The following FNDC3B variants were observed in gnomAD, a reference collection of about 807,000 sequenced individuals.
FNDC3B encodes fibronectin type III domain-containing protein 3B.
Under a neutral mutation model 151.5 loss-of-function variants are expected in FNDC3B, and 12 were observed. The ratio of observed to expected loss-of-function variants is 0.08; its 90% CI spans 0.05 to 0.13. FNDC3B has a LOEUF of 0.13. Ranked by LOEUF, FNDC3B falls within the 10% of genes least tolerant of loss-of-function variation. The pLI is 1.00. For synonymous variants in FNDC3B, 528 were observed against 549.0 expected, an observed-to-expected ratio of 0.96 and a Z score of 0.54; for missense variants, 1,214 against 1,505.3, an observed-to-expected ratio of 0.81 and a Z score of 3.20.
At chr3:172,215,480 T>TTC (rs1725928855) in intron 3 of FNDC3B, among the ~76,000 whole-genome samples, 1 of 152,176 alleles carries the variant, frequency 6.6e-6, no homozygotes, top group South Asian at 2.1e-4. Context: ...TCCCAGCACT[T>TTC]TGGAAGGCCG....
At chr3:172,218,416 T>C (rs146553261) in intron 3 of FNDC3B, among the ~76,000 whole-genome samples, 2 of 152,282 alleles carry the variant, frequency 1.3e-5, no homozygotes, top group East Asian at 3.9e-4. Context: ...CTTGCCAAGC[T>C]ATAAGATGGA....
intron 11 of FNDC3B, among the ~76,000 whole-genome samples, chr3:172,321,213 A>T (rs1422377393): frequency 6.6e-6 from 1 of 152,168 alleles, no homozygotes; most frequent in Non-Finnish European, 1.5e-5. Context: ...TCATACCTAA[A>T]CTGTCCCCTA....
intron 4 of FNDC3B, among the ~76,000 whole-genome samples, chr3:172,231,993 G>A (rs1726919332): frequency 6.7e-6 from 1 of 149,420 alleles, no homozygotes; most frequent in African/African-American, 2.5e-5. Context: ...CAATTCTCGT[G>A]CCTCAGCCTC....
intron 1 of FNDC3B, among the ~76,000 whole-genome samples, chr3:172,107,521 T>C (rs185320058): frequency 1.8e-4 from 27 of 152,320 alleles, no homozygotes; most frequent in Admixed American, 4.6e-4. Flanking sequence ...GCCTGAGTCC[T>C]GTGATAGATT....
rs970469495 is a variant in FNDC3B at position 172,135,271 on chromosome 3, G to GTA, written c.187+1731_187+1732dup. Among the ~76,000 whole-genome samples, 10 of 152,040 alleles carry GTA rather than the reference G, an allele frequency of 6.6e-5. No homozygotes were observed. The East Asian group carries it at 9.6e-4, about 15-fold the overall frequency. Reference sequence around the variant, plus strand: ...AGTGTGTGTATGTGTGTGTGTGTGTGTATATATGTGTTTTTTGTGTGTATA... The same window carrying GTA: ...AGTGTGTGTATGTGTGTGTGTGTGTGTATATATATGTGTTTTTTGTGTGTATA... On this transcript the variant is annotated intron_variant, in intron 3 of 25. Coordinates refer to ENST00000415807, the MANE Select transcript of FNDC3B (RefSeq NM_022763.4).
chr3:172,285,848 A>C, intron 6 of FNDC3B, 78 bp from the exon 7 acceptor site: 1 of 1,002,414 alleles, frequency 1.0e-6, no homozygotes, highest in South Asian at 1.4e-5. Context: ...TCCAGTTAAA[A>C]GGCCTTGGGG....
At chr3:172,371,305 CA>C (rs1453204231) in intron 23 of FNDC3B, among the ~76,000 whole-genome samples, 2 of 152,144 alleles carry the variant, frequency 1.3e-5, no homozygotes, top group Non-Finnish European at 2.9e-5. Context: ...ACAAAAAAAG[CA>C]GAACATGTTC....
chr3:172,365,993 G>A (rs1362547527), intron 23 of FNDC3B, among the ~76,000 whole-genome samples: 1 of 152,148 alleles, frequency 6.6e-6, no homozygotes, highest in African/African-American at 2.4e-5. Flanking sequence ...ACAAATCTTT[G>A]TAGAGTATTT....
chr3:172,174,344 G>C (rs1394666159), intron 3 of FNDC3B, among the ~76,000 whole-genome samples: 2 of 152,174 alleles, frequency 1.3e-5, no homozygotes, highest in Admixed American at 6.5e-5. Flanking sequence ...CACTTAGTTA[G>C]ACTGAGTCTT....
chr3:172,363,790 G>A (rs1031801707), intron 23 of FNDC3B, among the ~76,000 whole-genome samples: 18 of 152,200 alleles, frequency 1.2e-4, no homozygotes, highest in Admixed American at 9.2e-4. Flanking sequence ...GTACAGTGGA[G>A]TCCTGTGGGC....
chr3:172,134,075 T>G (rs1217992965), intron 3 of FNDC3B, among the ~76,000 whole-genome samples: 2 of 152,186 alleles, frequency 1.3e-5, no homozygotes, highest in African/African-American at 4.8e-5. Flanking sequence ...CCCCGATGAT[T>G]CATGTTCCTT....
chr3:172,247,435 G>A, intron 4 of FNDC3B, 98 bp from the exon 5 acceptor site: 4 of 1,331,796 alleles, frequency 3.0e-6, no homozygotes, highest in South Asian at 2.9e-5. Flanking sequence ...TTCTATGGTG[G>A]AAGAGAAAAG....
rs1248835554 is a variant in FNDC3B at position 172,247,752 on chromosome 3, C to A, written c.484C>A (p.Pro162Thr). The A allele has an allele frequency of 6.2e-7, 1 of 1,614,148 alleles. No homozygotes were observed. The highest frequency in any genetic ancestry group is 8.5e-7 in the Non-Finnish European group (1 of 1,180,006). ...TCAGTTTTTTCCCCAGCATCATCTT[C>A]CCCACACAATATATGGTGAGCAAGG... ...PPQFFPQHHL[P>T]HTIYGEQEII... Residue 162 changes from proline to threonine, a missense_variant, in exon 5 of 26, where the codon CCC (proline) becomes ACC (threonine). Coordinates refer to ENST00000415807, the MANE Select transcript of FNDC3B (RefSeq NM_022763.4).
At chr3:172,045,947 G>A (rs1716348575) in intron 1 of FNDC3B, among the ~76,000 whole-genome samples, 1 of 152,122 alleles carries the variant, frequency 6.6e-6, no homozygotes, top group Admixed American at 6.5e-5. Context: ...TGGTAGTTGA[G>A]CACTTTGCAA....
At chr3:172,319,304 C>T (rs1054535656) in intron 11 of FNDC3B, among the ~76,000 whole-genome samples, 3 of 152,284 alleles carry the variant, frequency 2.0e-5, no homozygotes, top group Non-Finnish European at 2.9e-5. Context: ...ATTAGGCCCT[C>T]GGCTCCCTTG....
intron 4 of FNDC3B, among the ~76,000 whole-genome samples, chr3:172,231,925 G>C (rs1287865812): frequency 7.6e-6 from 1 of 132,216 alleles, no homozygotes; most frequent in African/African-American, 2.8e-5. Context: ...CTGACGCCCA[G>C]GCTGGTGTGC....
rs528966286 is a variant in FNDC3B at position 172,222,393 on chromosome 3, A to C, written c.188-4478A>C. 3.3e-5 allele frequency among the ~76,000 whole-genome samples: 5 copies of C among 152,248 alleles called. No individual in the cohort carries two copies. In the South Asian group the frequency reaches 8.3e-4, roughly 25 times the overall value. ...AGTTTCCACCATTTCAGACTTCCAA[A>C]CTTTATTTGTAATTCACCTAATCAG... is the stretch of plus-strand genomic sequence containing the variant. On this transcript the variant is annotated intron_variant, in intron 3 of 25. Transcript: ENST00000415807.
intron 11 of FNDC3B, among the ~76,000 whole-genome samples, chr3:172,313,849 G>C (rs895338943): frequency 2.6e-5 from 4 of 152,188 alleles, no homozygotes; most frequent in African/African-American, 4.8e-5. Flanking sequence ...TGTCATTTCA[G>C]AAGTGAAGTT....
At chr3:172,212,810 A>G (rs114987102) in intron 3 of FNDC3B, among the ~76,000 whole-genome samples, 3 of 152,320 alleles carry the variant, frequency 2.0e-5, no homozygotes, top group African/African-American at 7.2e-5. Context: ...GACTGAAGAG[A>G]AGAACTTTAA....
Sources: gnomAD v4.1 joint callset for allele counts (sites outside exome capture counted in the v4.1 genomes callset) on GRCh38, gnomAD v4.1.1 for gene constraint, MANE v1.5 for transcripts, NCBI Gene and HGNC (gene_info 2026-07-23, HGNC 2026-07-21) for gene names.